The following TYR variants were observed in gnomAD, a reference collection of about 807,000 sequenced individuals.
The protein encoded by TYR is LB24-AB.
Under a neutral mutation model 51.5 loss-of-function variants are expected in TYR, and 58 were observed. The ratio of observed to expected loss-of-function variants is 1.13; its 90% CI spans 0.91 to 1.40. TYR has a LOEUF of 1.40. Among genes scored for constraint, TYR ranks in the 40% most tolerant of loss-of-function variants. TYR has a pLI of 0.00. For missense variants in TYR, 732 were observed against 647.4 expected (o/e 1.13, Z -1.42); for synonymous variants, 263 against 235.2 (o/e 1.12, Z -1.08).
chr11:89,251,025 T>G (rs1944325873), intron 3 of TYR, among the ~76,000 whole-genome samples: 3 of 151,966 alleles, frequency 2.0e-5, no homozygotes, highest in Non-Finnish European at 2.9e-5. Context: ...TTTAGAATTT[T>G]TTTTATTTTA....
At chr11:89,281,751 G>A (rs975151315) in intron 3 of TYR, among the ~76,000 whole-genome samples, 1 of 151,644 alleles carries the variant, frequency 6.6e-6, no homozygotes, top group African/African-American at 2.4e-5. Flanking sequence ...GTCTTTACAT[G>A]TCTGACCTGA....
At chr11:89,226,019 C>A (rs1943970997) in intron 2 of TYR, among the ~76,000 whole-genome samples, 1 of 151,846 alleles carries the variant, frequency 6.6e-6, no homozygotes, top group Non-Finnish European at 1.5e-5. Flanking sequence ...TTTAAAAATT[C>A]TTTTAAATTA....
chr11:89,183,058 A>G (rs1266778390), intron 1 of TYR, among the ~76,000 whole-genome samples: 1 of 152,104 alleles, frequency 6.6e-6, no homozygotes, highest in Non-Finnish European at 1.5e-5. Flanking sequence ...TCTTTATGAA[A>G]AAGATTTTGT....
intron 3 of TYR, among the ~76,000 whole-genome samples, chr11:89,252,548 T>A (rs1944342596): frequency 6.6e-6 from 1 of 151,840 alleles, no homozygotes; most frequent in African/African-American, 2.4e-5. Flanking sequence ...CAAAGGAAGA[T>A]TTTAGCCTTC....
At chr11:89,231,893 C>A (rs1305963045) in intron 3 of TYR, among the ~76,000 whole-genome samples, 2 of 136,330 alleles carry the variant, frequency 1.5e-5, no homozygotes, top group Non-Finnish European at 3.1e-5. Flanking sequence ...GCTGAGGTAA[C>A]AGAATCTCTT....
intron 2 of TYR, among the ~76,000 whole-genome samples, chr11:89,225,994 T>G (rs917614547): frequency 6.6e-6 from 1 of 152,000 alleles, no homozygotes; most frequent in Non-Finnish European, 1.5e-5. Context: ...TACATACCAA[T>G]GAAAAATATA....
At chr11:89,242,329 T>C (rs1279329845) in intron 3 of TYR, among the ~76,000 whole-genome samples, 5 of 152,104 alleles carry the variant, frequency 3.3e-5, no homozygotes, top group Non-Finnish European at 7.4e-5. Flanking sequence ...TTCCCCAGCC[T>C]CCTGAGCAGC....
intron 3 of TYR, among the ~76,000 whole-genome samples, chr11:89,238,055 C>T (rs554181152): frequency 6.6e-5 from 10 of 151,838 alleles, no homozygotes; most frequent in African/African-American, 1.2e-4. Flanking sequence ...AGGCTGGTCT[C>T]GAACTCCTGA....
At chr11:89,286,370 T>C (rs1944786820) in intron 4 of TYR, among the ~76,000 whole-genome samples, 1 of 151,870 alleles carries the variant, frequency 6.6e-6, no homozygotes, top group Admixed American at 6.6e-5. Flanking sequence ...TTGACCCAGT[T>C]TATAATAGTT....
At chr11:89,278,411 A>G (rs1170158357) in intron 3 of TYR, among the ~76,000 whole-genome samples, 3 of 151,726 alleles carry the variant, frequency 2.0e-5, no homozygotes, top group African/African-American at 4.8e-5. Context: ...AGTTTATTAT[A>G]GATATTTAGA....
At chr11:89,258,196 G>A (rs1441018805) in intron 3 of TYR, among the ~76,000 whole-genome samples, 1 of 152,008 alleles carries the variant, frequency 6.6e-6, no homozygotes, top group Non-Finnish European at 1.5e-5. Flanking sequence ...GAACACAGAT[G>A]AGAAACTTTT....
intron 3 of TYR, among the ~76,000 whole-genome samples, chr11:89,266,526 A>G (rs1944527916): frequency 6.6e-6 from 1 of 151,900 alleles, no homozygotes; most frequent in Admixed American, 6.6e-5. Flanking sequence ...CCCTCCAACA[A>G]CAACAACAAC....
chr11:89,251,547 CAA>C (rs1209998343), intron 3 of TYR, among the ~76,000 whole-genome samples: 1 of 151,730 alleles, frequency 6.6e-6, no homozygotes, highest in South Asian at 2.1e-4. Flanking sequence ...TTACTAAATT[CAA>C]AAAGTCAAAG....
chr11:89,231,954 C>G (rs1944055918), intron 3 of TYR, among the ~76,000 whole-genome samples: 1 of 127,914 alleles, frequency 7.8e-6, no homozygotes, highest in Non-Finnish European at 1.6e-5. Flanking sequence ...CCCTGCACTC[C>G]AGCCTGGGCA....
chr11:89,263,397 T>C (rs1273801949), intron 3 of TYR, among the ~76,000 whole-genome samples: 1 of 151,814 alleles, frequency 6.6e-6, no homozygotes, highest in Non-Finnish European at 1.5e-5. Flanking sequence ...TAACACATCA[T>C]ACTCACTTAT....
chr11:89,183,580 A>G (rs1943329677), intron 1 of TYR, among the ~76,000 whole-genome samples: 1 of 152,080 alleles, frequency 6.6e-6, no homozygotes, highest in Non-Finnish European at 1.5e-5. Flanking sequence ...TTACTTAGCT[A>G]CAAGACCCTA....
chr11:89,207,535 G>C (rs1025649274), intron 2 of TYR, among the ~76,000 whole-genome samples: 1 of 152,062 alleles, frequency 6.6e-6, no homozygotes, highest in African/African-American at 2.4e-5. Context: ...AATCAACCAG[G>C]AATTTAACAA....
chr11:89,255,063 T>C (rs1944374297), intron 3 of TYR, among the ~76,000 whole-genome samples: 3 of 151,874 alleles, frequency 2.0e-5, no homozygotes, highest in Non-Finnish European at 2.9e-5. Flanking sequence ...TTCATTTCAT[T>C]GTTGATACAA....
intron 2 of TYR, among the ~76,000 whole-genome samples, chr11:89,213,039 A>T (rs1238428897): frequency 6.6e-6 from 1 of 152,204 alleles, no homozygotes; most frequent in African/African-American, 2.4e-5. Flanking sequence ...CAAGACAAGG[A>T]TGCCCTCTCT....
Sources: gnomAD v4.1 joint callset for allele counts (sites outside exome capture counted in the v4.1 genomes callset) on GRCh38, gnomAD v4.1.1 for gene constraint, MANE v1.5 for transcripts, NCBI Gene and HGNC (gene_info 2026-07-23, HGNC 2026-07-21) for gene names.